The following KCNK9 variants were observed in gnomAD, a reference collection of about 807,000 sequenced individuals.
KCNK9 encodes potassium channel subfamily K member 9.
Under a neutral mutation model 10.8 loss-of-function variants are expected in KCNK9, and 1 was observed. The ratio of observed to expected loss-of-function variants is 0.09; its 90% CI spans 0.03 to 0.44. The LOEUF (loss-of-function observed/expected upper bound fraction) is 0.44. KCNK9 is among the 20% of genes least tolerant of loss of function. KCNK9 has a pLI of 0.97. For missense variants in KCNK9, 303 were observed against 515.0 expected (o/e 0.59, Z 3.98); for synonymous variants, 231 against 222.7 (o/e 1.04, Z -0.33).
At chr8:139,675,712 AC>A (rs1184866056) in intron 1 of KCNK9, among the ~76,000 whole-genome samples, 1 of 149,678 alleles carries the variant, frequency 6.7e-6, no homozygotes, top group East Asian at 2.0e-4. Context: ...GCCCAAGCTG[AC>A]CCCCCGCCTA....
chr8:139,668,422 C>A (rs1026677729), intron 1 of KCNK9, among the ~76,000 whole-genome samples: 1 of 140,678 alleles, frequency 7.1e-6, no homozygotes, highest in Non-Finnish European at 1.5e-5. Context: ...GTAAACAATA[C>A]TTTTTTTTTT....
Position 139,682,774 on chromosome 8 carries a change from A to G in KCNK9, c.283+19936T>C, listed in dbSNP as rs58917284. Among the ~76,000 whole-genome samples the G allele has an allele frequency of 7.7e-3, 1,178 of 152,282 alleles. 12 individuals are homozygous for G. The highest frequency in any genetic ancestry group is 0.027 in the African/African-American group (1,126 of 41,554). The stretch of plus-strand genomic sequence containing the variant: ...CATCTCAGAAATGCATGCAGCTTGG[A>G]GAAGGCCGAGTAGGTGACGTTGCCG... On this transcript the variant is annotated intron_variant, in intron 1 of 1. Transcript: ENST00000520439.
At chr8:139,698,260 C>G (rs1817115472) in intron 1 of KCNK9, among the ~76,000 whole-genome samples, 3 of 152,184 alleles carry the variant, frequency 2.0e-5, no homozygotes, top group Admixed American at 2.0e-4. Context: ...AGGCTCCGTG[C>G]TCCTCTGGCA....
chr8:139,688,389 A>T lies in KCNK9; in HGVS notation c.283+14321T>A, dbSNP rs538346351. ...CAGAAAACTTACAATCGTGGTGGAA[A>T]GGGAAGCAGGCAACTTCTTCACAAG... is the stretch of plus-strand genomic sequence containing the variant. On this transcript the variant is annotated intron_variant, in intron 1 of 1. Coordinates refer to ENST00000520439, the MANE Select transcript of KCNK9 (RefSeq NM_001282534.2). Among the ~76,000 whole-genome samples, 26 of 152,340 alleles carry T rather than the reference A, an allele frequency of 1.7e-4. No homozygotes were observed. In the East Asian group the frequency reaches 4.8e-3, roughly 28 times the overall value.
intron 1 of KCNK9, among the ~76,000 whole-genome samples, chr8:139,646,426 A>G (rs1341351237): frequency 1.3e-5 from 2 of 152,272 alleles, no homozygotes; most frequent in Non-Finnish European, 2.9e-5. Flanking sequence ...ATAAATAAGC[A>G]GAACAGAGAT....
At chr8:139,669,987 T>C (rs1350293070) in intron 1 of KCNK9, among the ~76,000 whole-genome samples, 1 of 152,204 alleles carries the variant, frequency 6.6e-6, no homozygotes, top group Non-Finnish European at 1.5e-5. Context: ...ACAGGTGCAT[T>C]GTCAATGAGC....
chr8:139,620,391 C>T (rs1485142154), intron 1 of KCNK9, among the ~76,000 whole-genome samples: 1 of 152,178 alleles, frequency 6.6e-6, no homozygotes, highest in African/African-American at 2.4e-5. Flanking sequence ...ACCCATGTGT[C>T]TTTATCTGTT....
intron 1 of KCNK9, among the ~76,000 whole-genome samples, chr8:139,625,579 G>A (rs1027877414): frequency 1.3e-5 from 2 of 152,220 alleles, no homozygotes; most frequent in African/African-American, 4.8e-5. Flanking sequence ...AGGTGGCTGG[G>A]GGCAGCTTTG....
rs141751954 is a variant in KCNK9 at position 139,667,292 on chromosome 8, T to A, written c.283+35418A>T. ...GTTCAGTCCCTAAAGGCCTCTTCCA[T>A]CAAGATGGAACTGAATGGGCTTGTA... On this transcript the variant is annotated intron_variant, in intron 1 of 1. Transcript: ENST00000520439. Among the ~76,000 whole-genome samples, 14 of 152,308 alleles carry A rather than the reference T, an allele frequency of 9.2e-5. No individual in the cohort carries two copies. The East Asian group carries it at 2.7e-3, about 29-fold the overall frequency.
At chr8:139,604,847 C>T (rs1817451796) in intron 2 of KCNK9, among the ~76,000 whole-genome samples, 2 of 152,184 alleles carry the variant, frequency 1.3e-5, no homozygotes, top group South Asian at 4.1e-4. Context: ...AGACAGAAAA[C>T]AGCCTGGCTT....
At chr8:139,639,725 C>T (rs1481984453) in intron 1 of KCNK9, among the ~76,000 whole-genome samples, 1 of 152,194 alleles carries the variant, frequency 6.6e-6, no homozygotes, top group Non-Finnish European at 1.5e-5. Context: ...GGTGACAAGA[C>T]CCCAGCTTCC....
intron 1 of KCNK9, among the ~76,000 whole-genome samples, chr8:139,684,475 A>G (rs1816749934): frequency 2.0e-5 from 3 of 152,222 alleles, no homozygotes; most frequent in Admixed American, 2.0e-4. Flanking sequence ...CTTTCCTAGA[A>G]GAAAAAGGGT....
chr8:139,675,246 G>C (rs910448132), intron 1 of KCNK9, among the ~76,000 whole-genome samples: 1 of 152,192 alleles, frequency 6.6e-6, no homozygotes, highest in Non-Finnish European at 1.5e-5. Context: ...GGGGAGGAGG[G>C]GAGACATCCC....
At chr8:139,602,477 G>C (rs925902825) in intron 2 of KCNK9, among the ~76,000 whole-genome samples, 1 of 152,170 alleles carries the variant, frequency 6.6e-6, no homozygotes, top group Non-Finnish European at 1.5e-5. Flanking sequence ...TTTGGAGGGT[G>C]GTGGGAGACC....
At chr8:139,609,106 A>ACCCCC (rs1554617339), downstream of KCNK9, among the ~76,000 whole-genome samples, 98 of 123,752 alleles carry the variant, frequency 7.9e-4, no homozygotes, top group African/African-American at 1.4e-3. Context: ...GACCCATCCC[A>ACCCCC]CCCCACCCCG....
chr8:139,630,517 ACCCTTCCACCCACT>A (rs1479485573), intron 1 of KCNK9, among the ~76,000 whole-genome samples: 2 of 151,990 alleles, frequency 1.3e-5, no homozygotes, highest in Non-Finnish European at 2.9e-5. Context: ...AGCCACCCAC[ACCCTTCCACCCACT>A]CCAGCCTCCA....
chr8:139,700,129 G>A (rs1199553193), intron 1 of KCNK9, among the ~76,000 whole-genome samples: 1 of 152,172 alleles, frequency 6.6e-6, no homozygotes, highest in Non-Finnish European at 1.5e-5. Context: ...TTTGTTTCCT[G>A]TAAATTTGAA....
chr8:139,687,610 G>A (rs62520231), intron 1 of KCNK9, among the ~76,000 whole-genome samples: 3 of 70,700 alleles, frequency 4.2e-5, no homozygotes, highest in Non-Finnish European at 9.1e-5. Flanking sequence ...GTATACATAT[G>A]TATACATATA....
chr8:139,660,554 G>C (rs1042595497), intron 1 of KCNK9, among the ~76,000 whole-genome samples: 9 of 151,836 alleles, frequency 5.9e-5, no homozygotes, highest in African/African-American at 2.2e-4. Flanking sequence ...CCAGGAGGCA[G>C]AGGTTGCAGT....
Sources: gnomAD v4.1 joint callset for allele counts (sites outside exome capture counted in the v4.1 genomes callset) on GRCh38, gnomAD v4.1.1 for gene constraint, MANE v1.5 for transcripts, NCBI Gene and HGNC (gene_info 2026-07-23, HGNC 2026-07-21) for gene names.